Variants in SRPK2 observed in about 807,000 individuals in gnomAD.
SRPK2 encodes the protein SFRS protein kinase 2.
Under a neutral mutation model 90.8 loss-of-function variants are expected in SRPK2, and 21 were observed. The observed-to-expected ratio is 0.23, with a 90% CI of 0.16 to 0.33. The LOEUF is 0.33. SRPK2 is among the 10% of genes least tolerant of loss of function. SRPK2 has a pLI of 1.00. For missense variants in SRPK2, 620 were observed against 869.0 expected (o/e 0.71, Z 3.60); for synonymous variants, 288 against 311.1 (o/e 0.93, Z 0.78).
At chr7:105,195,538 ATCT>A (rs1794813527) in intron 3 of SRPK2, among the ~76,000 whole-genome samples, 1 of 152,132 alleles carries the variant, frequency 6.6e-6, no homozygotes. Flanking sequence ...TTTAAACCTA[ATCT>A]TCTACCATCA....
At chr7:105,364,142 C>A (rs1585899032) in intron 2 of SRPK2, among the ~76,000 whole-genome samples, 1 of 152,028 alleles carries the variant, frequency 6.6e-6, no homozygotes, top group Middle Eastern at 3.4e-3. Context: ...ATGTAACAAA[C>A]CTGCATGCTG....
At chr7:105,305,851 G>A (rs1165779074) in intron 2 of SRPK2, among the ~76,000 whole-genome samples, 5 of 152,168 alleles carry the variant, frequency 3.3e-5, no homozygotes, top group Non-Finnish European at 5.9e-5. Context: ...GATAAAGTAC[G>A]GGGAAAAGGC....
rs550532327 is a variant in SRPK2, at chr7:105,132,182, G to A, written c.1752+609C>T. On this transcript the variant is annotated intron_variant, in intron 13 of 15. Coordinates refer to ENST00000393651, the MANE Select transcript of SRPK2 (RefSeq NM_182692.3). Reference sequence around the variant, plus strand: ...ACCACTCTGGGAACAGACTCTGTCAGAGGGAGTGGGCGTTGCTGCCACTGT... The same window carrying A: ...ACCACTCTGGGAACAGACTCTGTCAAAGGGAGTGGGCGTTGCTGCCACTGT... 3.9e-5 allele frequency among the ~76,000 whole-genome samples: 6 copies of A among 152,382 alleles called. No individual in the cohort carries two copies. The South Asian group carries it at 1.2e-3, about 32-fold the overall frequency.
upstream of SRPK2, among the ~76,000 whole-genome samples, chr7:105,390,607 GT>G (rs869259356): frequency 7.7e-3 from 842 of 109,002 alleles, 8 homozygotes; most frequent in African/African-American, 0.023. Flanking sequence ...TTTTGTTTTT[GT>G]TTTTTTTTTT....
intron 2 of SRPK2, among the ~76,000 whole-genome samples, chr7:105,298,362 G>A (rs952463795): frequency 6.6e-6 from 1 of 152,170 alleles, no homozygotes; most frequent in African/African-American, 2.4e-5. Flanking sequence ...ATGTATCAGA[G>A]TTTGTTTATC....
At chr7:105,137,993 T>C (rs927281106) in intron 11 of SRPK2, among the ~76,000 whole-genome samples, 5 of 152,172 alleles carry the variant, frequency 3.3e-5, no homozygotes, top group Non-Finnish European at 7.3e-5. Flanking sequence ...AACTGAGTGC[T>C]TCCAAACAAA....
At chr7:105,382,456 T>A (rs148213830) in intron 2 of SRPK2, among the ~76,000 whole-genome samples, 1 of 143,372 alleles carries the variant, frequency 7.0e-6, no homozygotes, top group Non-Finnish European at 1.5e-5. Flanking sequence ...GGAGGCTAAG[T>A]CAGGAGAATC....
intron 14 of SRPK2, 124 bp downstream of exon 14, chr7:105,126,869 T>C (rs1282685226): frequency 2.2e-6 from 2 of 925,546 alleles, no homozygotes; most frequent in Non-Finnish European, 3.4e-6. Flanking sequence ...AGGAAAAGCA[T>C]CTGAATTTGG....
intron 2 of SRPK2, among the ~76,000 whole-genome samples, chr7:105,290,371 T>G (rs1216707774): frequency 6.6e-6 from 1 of 152,090 alleles, no homozygotes; most frequent in African/African-American, 2.4e-5. Context: ...GGCACACACC[T>G]GTGGTCCCAG....
At chr7:105,155,468 G>C (rs1806356451) in intron 7 of SRPK2, among the ~76,000 whole-genome samples, 1 of 152,190 alleles carries the variant, frequency 6.6e-6, no homozygotes, top group African/African-American at 2.4e-5. Context: ...TCTTATCCCA[G>C]TGGTTCTCAG....
chr7:105,298,715 T>C, intron 2 of SRPK2: 1 of 985,314 alleles, frequency 1.0e-6, no homozygotes, highest in Non-Finnish European at 1.2e-6. Flanking sequence ...TTCATCCCCA[T>C]CCCTCCTCAG....
chr7:105,149,411 G>A (rs1466319297), intron 7 of SRPK2, among the ~76,000 whole-genome samples: 11 of 152,094 alleles, frequency 7.2e-5, no homozygotes, highest in African/African-American at 2.2e-4. Context: ...CGTGTTTGTT[G>A]CTGACCTTCT....
At chr7:105,298,748 G>A in intron 2 of SRPK2, 1 of 985,608 alleles carries the variant, frequency 1.0e-6, no homozygotes, top group Non-Finnish European at 1.2e-6. Flanking sequence ...GTTAGCAGTA[G>A]GAGACAGCAG....
chr7:105,169,095 C>A, intron 4 of SRPK2, 62 bp downstream of exon 4: 1 of 1,448,568 alleles, frequency 6.9e-7, no homozygotes, highest in Non-Finnish European at 9.7e-7. Context: ...GCCATACCTT[C>A]TTAGAACACA....
At chr7:105,306,837 G>A (rs1053840918) in intron 2 of SRPK2, among the ~76,000 whole-genome samples, 1 of 152,124 alleles carries the variant, frequency 6.6e-6, no homozygotes, top group South Asian at 2.1e-4. Flanking sequence ...ATACAAAGGA[G>A]GAGACATGGC....
At chr7:105,197,656 G>C (rs1263698114) in intron 3 of SRPK2, among the ~76,000 whole-genome samples, 2 of 152,164 alleles carry the variant, frequency 1.3e-5, no homozygotes, top group Non-Finnish European at 2.9e-5. Flanking sequence ...ACTAGAGAGG[G>C]GGAGATACAT....
At chr7:105,384,940 A>G (rs535883046) in intron 2 of SRPK2, among the ~76,000 whole-genome samples, 55 of 151,124 alleles carry the variant, frequency 3.6e-4, no homozygotes, top group Non-Finnish European at 6.8e-4. Flanking sequence ...GCAGTGGCGC[A>G]ATCTCGGCTC....
intron 2 of SRPK2, among the ~76,000 whole-genome samples, chr7:105,381,207 G>T (rs1241094242): frequency 6.6e-6 from 1 of 151,656 alleles, no homozygotes; most frequent in Non-Finnish European, 1.5e-5. Context: ...TCATGCCACT[G>T]CATTCCTGTC....
intron 7 of SRPK2, among the ~76,000 whole-genome samples, chr7:105,147,363 G>T (rs190100280): frequency 6.6e-6 from 1 of 152,168 alleles, no homozygotes; most frequent in East Asian, 1.9e-4. Context: ...TGTCACCCAG[G>T]CTGGAGTGCA....
Sources: allele counts gnomAD v4.1 joint callset (sites outside exome capture counted in the v4.1 genomes callset), GRCh38; gene constraint gnomAD v4.1.1; transcripts MANE v1.5; gene names NCBI Gene and HGNC (gene_info 2026-07-23, HGNC 2026-07-21).